OPHN1: variants seen among roughly 807,000 people sequenced by gnomAD.
OPHN1 encodes oligophrenin 1.
In OPHN1, 11 loss-of-function variants were observed where a neutral mutation model predicts 60.7. The ratio of observed to expected loss-of-function variants is 0.18; its 90% confidence interval spans 0.11 to 0.30. The LOEUF (loss-of-function observed/expected upper bound fraction) is 0.30. Among genes scored for constraint, OPHN1 ranks in the 10% least tolerant of loss-of-function variants. The pLI, the probability that OPHN1 is intolerant of heterozygous loss-of-function variation, is 1.00. For synonymous variants in OPHN1, 226 were observed against 222.6 expected (o/e 1.02, Z -0.14); for missense variants, 449 against 611.0 (o/e 0.73, Z 2.80).
At chrX:68,399,636 C>G (rs2078702815) in intron 2 of OPHN1, among the ~76,000 whole-genome samples, 1 of 108,556 alleles carries the variant, frequency 9.2e-6, no homozygotes. Flanking sequence ...CCACTGCACC[C>G]CAGCCTGGGC....
chrX:68,081,963 T>G (rs1185899522), intron 19 of OPHN1, among the ~76,000 whole-genome samples: 4 of 112,344 alleles, frequency 3.6e-5, no homozygotes, highest in Non-Finnish European at 1.9e-5. Flanking sequence ...TAAACCAAGT[T>G]TATGCAATAT....
At chrX:68,055,463 G>C (rs1189531059) in intron 21 of OPHN1, among the ~76,000 whole-genome samples, 2 of 112,329 alleles carry the variant, frequency 1.8e-5, no homozygotes, top group African/African-American at 6.5e-5. Flanking sequence ...ACAGGTGCTA[G>C]AGAGGACGTG....
upstream of OPHN1, chrX:68,433,535 C>T: frequency 3.4e-6 from 1 of 290,166 alleles, no homozygotes; most frequent in Non-Finnish European, 6.0e-6. Context: ...ACTGTCCCCT[C>T]CCCTTTCTTA....
At chrX:68,048,065 C>T (rs939852930) in intron 24 of OPHN1, among the ~76,000 whole-genome samples, 9 of 111,732 alleles carry the variant, frequency 8.1e-5, no homozygotes, top group African/African-American at 2.9e-4. Flanking sequence ...TTCCAACCTT[C>T]TCATTTTAGA....
chrX:68,284,445 T>G (rs1303025924), intron 3 of OPHN1, among the ~76,000 whole-genome samples: 1 of 110,752 alleles, frequency 9.0e-6, no homozygotes. Context: ...CAGAAGCAGA[T>G]GCTGATGCCA....
rs777609834 is a variant in OPHN1 at position 68,154,677 on chromosome X, G to A, written c.1277-35345C>T. ...AATTCCCACAACTTTTCAGATTGCT[G>A]GAAAAGGTTAGAAGCCATAGCAATT... is the stretch of plus-strand genomic sequence containing the variant. On this transcript the variant is annotated intron_variant, in intron 15 of 24. Transcript: ENST00000355520. 2.7e-5 allele frequency among the ~76,000 whole-genome samples: 3 copies of A among 111,597 alleles called. No homozygotes were observed. The East Asian group carries it at 8.5e-4, about 31-fold the overall frequency.
intron 15 of OPHN1, among the ~76,000 whole-genome samples, chrX:68,181,105 T>A (rs2077434480): frequency 9.0e-6 from 1 of 111,464 alleles, no homozygotes; most frequent in African/African-American, 3.3e-5. Context: ...CATCTGATTT[T>A]CCCCTTCTGA....
At chrX:68,137,109 A>G (rs2147470505) in intron 15 of OPHN1, among the ~76,000 whole-genome samples, 1 of 112,123 alleles carries the variant, frequency 8.9e-6, no homozygotes, top group Non-Finnish European at 1.9e-5. Context: ...TATCAACAAA[A>G]ACATGAGTTA....
At chrX:68,296,610 T>TGATCTCCA (rs1261708194) in intron 3 of OPHN1, among the ~76,000 whole-genome samples, 19 of 99,709 alleles carry the variant, frequency 1.9e-4, no homozygotes, top group Middle Eastern at 5.0e-3. Context: ...GTGAGCCCAC[T>TGATCTCCA]GATCTCCAGC....
At chrX:68,431,033 TATG>T (rs959969839) in intron 2 of OPHN1, among the ~76,000 whole-genome samples, 4 of 111,227 alleles carry the variant, frequency 3.6e-5, no homozygotes, top group African/African-American at 1.3e-4. Flanking sequence ...TCCTAGGGCT[TATG>T]ATGAGATTCG....
chrX:68,162,635 T>C (rs187794925), intron 15 of OPHN1, among the ~76,000 whole-genome samples: 12 of 110,720 alleles, frequency 1.1e-4, no homozygotes, highest in Admixed American at 1.1e-3. Context: ...CTTAAAAATA[T>C]AGAGGTATAT....
At chrX:68,224,065 G>A (rs1468205443) in intron 6 of OPHN1, among the ~76,000 whole-genome samples, 1 of 111,294 alleles carries the variant, frequency 9.0e-6, no homozygotes, top group Non-Finnish European at 1.9e-5. Context: ...AAATCCGTAT[G>A]GACATTGTTG....
intron 15 of OPHN1, among the ~76,000 whole-genome samples, chrX:68,190,974 T>C (rs757667476): frequency 8.9e-6 from 1 of 112,202 alleles, no homozygotes; most frequent in African/African-American, 3.2e-5. Flanking sequence ...CCACACCTGC[T>C]ATGACTGAGT....
At chrX:68,396,398 CAAAAAAAAAAA>C (rs57880548) in intron 2 of OPHN1, among the ~76,000 whole-genome samples, 13 of 39,283 alleles carry the variant, frequency 3.3e-4, no homozygotes, top group Admixed American at 9.2e-4. Flanking sequence ...CCACTGCTCT[CAAAAAAAAAAA>C]AAAAAAAAAA....
Position 68,343,287 on chromosome X carries a change from C to CG in OPHN1, c.155-44192dup, listed in dbSNP as rs1336892855. ...GAAGCTCTGTCTCAAAAAAAAAAAG[C>CG]GGGGGGGGAGGGGCGCTGGGCATGG... On this transcript the variant is annotated intron_variant, in intron 2 of 24. Transcript: ENST00000355520. 3.4e-4 allele frequency among the ~76,000 whole-genome samples: 28 copies of CG among 82,032 alleles called. 1 individual carries two copies. Among genetic ancestry groups the CG allele is most frequent in the Middle Eastern group, 7.2e-3 (1 of 139 alleles). 71.2% of individuals were successfully genotyped at this position (82,032 alleles called of 115,157 possible).
At position 68,201,713 on chromosome X, in the gene OPHN1, G is replaced by T. The variant is rs1602231216; in HGVS notation, c.934-3C>A. The stretch of plus-strand genomic sequence containing the variant: ...TTCAGTGTTAAGTCCAAGGGCCCCT[G>T]ATATGAAACAAGAATTAACAGGCAA... On this transcript the variant is annotated splice_region_variant and splice_polypyrimidine_tract_variant and intron_variant, in intron 10 of 24. Transcript: ENST00000355520. 3 of 1,193,943 alleles carry T rather than the reference G, an allele frequency of 2.5e-6. No homozygotes were observed. The East Asian group carries it at 8.9e-5, about 35-fold the overall frequency.
Position 68,111,850 on chromosome X carries a change from T to C in OPHN1, c.1526+4A>G, listed in dbSNP as rs757016066. 6 of 1,169,537 alleles carry C rather than the reference T, an allele frequency of 5.1e-6. No individual in the cohort carries two copies. On this transcript the variant is annotated splice_donor_region_variant and intron_variant, in intron 18 of 24. Coordinates refer to ENST00000355520, the MANE Select transcript of OPHN1 (RefSeq NM_002547.3). Reference sequence around the variant, plus strand: ...CTTTTTCTGAAAATCCAGCAGTTACTTACTTGACCAAGTGTCTTATCAGAA... The same window carrying C: ...CTTTTTCTGAAAATCCAGCAGTTACCTACTTGACCAAGTGTCTTATCAGAA...
chrX:68,200,586 G>A (rs1416327392), intron 11 of OPHN1, among the ~76,000 whole-genome samples: 1 of 111,862 alleles, frequency 8.9e-6, no homozygotes, highest in Non-Finnish European at 1.9e-5. Flanking sequence ...CCTCAATTGG[G>A]ATCATCCATT....
chrX:68,393,889 T>TTTTG (rs2078667672), intron 2 of OPHN1, among the ~76,000 whole-genome samples: 1 of 64,011 alleles, frequency 1.6e-5, no homozygotes, highest in Non-Finnish European at 3.1e-5. Flanking sequence ...GACTTTGTTT[T>TTTTG]TTTTTTTTTT....
Sources: gnomAD v4.1 joint callset for allele counts (sites outside exome capture counted in the v4.1 genomes callset) on GRCh38, gnomAD v4.1.1 for gene constraint, MANE v1.5 for transcripts, NCBI Gene and HGNC (gene_info 2026-07-23, HGNC 2026-07-21) for gene names.